Variants in JAK1 observed in about 807,000 individuals in gnomAD.
JAK1 encodes Janus kinase 1, also known as tyrosine-protein kinase JAK1.
JAK1 carries 16 observed loss-of-function variants against 136.6 expected under a neutral mutation model. The observed-to-expected ratio is 0.12, with a 90% CI of 0.08 to 0.18. JAK1 has a LOEUF of 0.18. Ranked by LOEUF, JAK1 falls within the 10% of genes least tolerant of loss-of-function variation. The probability of loss-of-function intolerance (pLI) is 1.00; values close to 1 mark genes in which losing one functional copy is unlikely to be tolerated. For missense variants in JAK1, 859 were observed against 1,450.1 expected, an observed-to-expected ratio of 0.59 and a Z score of 6.62; for synonymous variants, 492 against 519.5, an observed-to-expected ratio of 0.95 and a Z score of 0.72.
chr1:64,841,726 G>C, intron 17 of JAK1, 125 bp from the exon 18 acceptor site: 4 of 949,724 alleles, frequency 4.2e-6, no homozygotes, highest in South Asian at 1.5e-5. Flanking sequence ...GGTAGATTTC[G>C]TAAGTGTTTG....
At chr1:64,899,862 G>A (rs1645078079) in intron 1 of JAK1, among the ~76,000 whole-genome samples, 1 of 152,102 alleles carries the variant, frequency 6.6e-6, no homozygotes, top group Admixed American at 6.5e-5. Flanking sequence ...AAATCAAATT[G>A]AAAAACAGCA....
intron 8 of JAK1, among the ~76,000 whole-genome samples, chr1:64,860,978 G>GTGTA (rs1656293921): frequency 6.9e-6 from 1 of 145,960 alleles, no homozygotes; most frequent in Non-Finnish European, 1.5e-5. Flanking sequence ...ATGTGTGTGT[G>GTGTA]TGTTGGGGGT....
chr1:64,844,731 G>C lies in JAK1; in HGVS notation c.2251+23C>G. On this transcript the variant is annotated intron_variant, in intron 16 of 24. Transcript: ENST00000342505. This position sits in a 1 kb window ranked among gnomAD's most constrained non-coding sequence, Gnocchi z 5.7. ...TTGCCCCTGACTCGGGGTGGGGCCAGAGGGAAGAGAGGGGAGACACACCTT... is the reference window on the plus strand; with the variant it reads ...TTGCCCCTGACTCGGGGTGGGGCCACAGGGAAGAGAGGGGAGACACACCTT... 11 of 1,613,876 alleles carry C rather than the reference G, an allele frequency of 6.8e-6. 1 individual carries two copies. Among genetic ancestry groups the C allele is most frequent in the South Asian group, 3.3e-5 (3 of 91,064 alleles).
intron 1 of JAK1, among the ~76,000 whole-genome samples, chr1:64,932,045 T>A (rs1414731906): frequency 6.6e-6 from 1 of 152,042 alleles, no homozygotes; most frequent in Non-Finnish European, 1.5e-5. Context: ...TATAACTGGA[T>A]CCTCTGATCA....
rs1395637108 is a variant in JAK1 at position 64,984,942 on chromosome 1, G to A, written c.-78+59538C>T. The A allele has an allele frequency of 9.2e-6, 10 of 1,087,084 alleles. No homozygotes were observed. Among genetic ancestry groups the A allele is most frequent in the African/African-American group, 1.5e-5 (1 of 64,676 alleles). 67.3% of individuals were successfully genotyped at this position (1,087,084 alleles called of 1,614,324 possible). A position where few individuals can be genotyped will look rare whatever the true frequency, so the allele number is the denominator to read the frequency against. On this transcript the variant is annotated intron_variant, in intron 2 of 25. Transcript: ENST00000671954. The surrounding 1 kb of genome is among the most constrained non-coding windows in gnomAD (Gnocchi z 4.1). ...GAAGAGTTCAGCCACAATAAACCAGGGAATGTGGTCTGGCCCAATTTCAAA... is the reference window on the plus strand; with the variant it reads ...GAAGAGTTCAGCCACAATAAACCAGAGAATGTGGTCTGGCCCAATTTCAAA...
intron 22 of JAK1, among the ~76,000 whole-genome samples, 158 bp from the exon 23 acceptor site, chr1:64,836,373 T>C (rs1247770604): frequency 6.6e-6 from 1 of 152,202 alleles, no homozygotes; most frequent in Non-Finnish European, 1.5e-5. Context: ...TATACGCTGC[T>C]ATGGTGCACA....
At chr1:64,875,728 C>A (rs866415801) in intron 4 of JAK1, among the ~76,000 whole-genome samples, 10 of 152,182 alleles carry the variant, frequency 6.6e-5, no homozygotes, top group African/African-American at 2.2e-4. Context: ...TGCAGAGCCA[C>A]GGGCAGCATG....
At chr1:64,978,159 T>C (rs2100688565) in intron 2 of JAK1, among the ~76,000 whole-genome samples, 1 of 152,164 alleles carries the variant, frequency 6.6e-6, no homozygotes, top group East Asian at 1.9e-4. Context: ...GCGCCTGTAG[T>C]CCCAGCTACT....
intron 1 of JAK1, among the ~76,000 whole-genome samples, chr1:64,908,454 G>A (rs1291163768): frequency 6.6e-6 from 1 of 151,826 alleles, no homozygotes; most frequent in Non-Finnish European, 1.5e-5. Context: ...CTTCTCATTT[G>A]TTCCAATTAG....
intron 1 of JAK1, among the ~76,000 whole-genome samples, chr1:64,903,661 A>G (rs1368520875): frequency 2.0e-5 from 3 of 152,190 alleles, no homozygotes; most frequent in South Asian, 2.1e-4. Context: ...TCTTTTATCT[A>G]CTAAAATGGG....
chr1:64,849,615 C>T (rs310219), intron 12 of JAK1, among the ~76,000 whole-genome samples: 54,604 of 152,166 alleles, frequency 0.36, 11,839 homozygotes, highest in African/African-American at 0.62. Flanking sequence ...CTCTTGCTAA[C>T]GTGATTACCC....
intron 1 of JAK1, among the ~76,000 whole-genome samples, chr1:64,943,456 T>C (rs1645925999): frequency 6.6e-6 from 1 of 152,160 alleles, no homozygotes; most frequent in Non-Finnish European, 1.5e-5. Context: ...AAAAAGCAAT[T>C]TGTAAAAACA....
chr1:65,029,862 T>C (rs1278599790), intron 2 of JAK1, among the ~76,000 whole-genome samples: 1 of 151,538 alleles, frequency 6.6e-6, no homozygotes, highest in Admixed American at 6.6e-5. Flanking sequence ...GGCTTAAGAG[T>C]GTGTAATGAA....
intron 4 of JAK1, among the ~76,000 whole-genome samples, chr1:64,877,455 G>C (rs752349759): frequency 1.3e-5 from 2 of 152,284 alleles, no homozygotes; most frequent in Non-Finnish European, 2.9e-5. Context: ...CTAACAGAAA[G>C]AGGGAACAGG....
chr1:65,057,300 T>C (rs1156657427), intron 1 of JAK1, among the ~76,000 whole-genome samples: 1 of 152,198 alleles, frequency 6.6e-6, no homozygotes, highest in Admixed American at 6.5e-5. Flanking sequence ...AGAGGGATAA[T>C]TGGCAGAGAT....
chr1:64,946,727 A>T (rs1645994187), intron 1 of JAK1, among the ~76,000 whole-genome samples: 1 of 152,190 alleles, frequency 6.6e-6, no homozygotes, highest in Admixed American at 6.5e-5. Context: ...TTCACAAAAC[A>T]ACTGAAAGCA....
chr1:64,990,831 G>C (rs1384408171), intron 2 of JAK1: 1 of 143,578 alleles, frequency 7.0e-6, no homozygotes, highest in Non-Finnish European at 1.5e-5. Context: ...TGAGGCAGGA[G>C]AATTGCTTGA....
chr1:65,064,498 A>C (rs1214890810), intron 1 of JAK1, among the ~76,000 whole-genome samples: 2 of 152,224 alleles, frequency 1.3e-5, no homozygotes, highest in South Asian at 4.1e-4. Flanking sequence ...ATTATCGTTT[A>C]TTAGGTAGCC....
rs541163426 is a variant in JAK1 at position 64,922,102 on chromosome 1, A to C, written c.-77-35761T>G. On this transcript the variant is annotated intron_variant, in intron 1 of 24. Coordinates refer to ENST00000342505, the MANE Select transcript of JAK1 (RefSeq NM_002227.4). ...GTTCTTTCAGTGACAAAAATTCCCT[A>C]AGCAGCCCACAGTGCTATTAGTTTC... Among the ~76,000 whole-genome samples, 73 of 151,922 alleles carry C rather than the reference A, an allele frequency of 4.8e-4. 3 individuals carry two copies. The South Asian group carries it at 0.015, about 30-fold the overall frequency.
Sources: gnomAD v4.1 joint callset for allele counts (sites outside exome capture counted in the v4.1 genomes callset) on GRCh38, gnomAD v4.1.1 for gene constraint, Gnocchi (gnomAD v3.1) non-coding constraint, MANE v1.5 for transcripts, NCBI Gene and HGNC (gene_info 2026-07-23, HGNC 2026-07-21) for gene names.